Variants in PTPRD observed in about 807,000 individuals in gnomAD.
PTPRD encodes the protein protein tyrosine phosphatase receptor type D.
A neutral mutation model predicts 214.5 loss-of-function variants in PTPRD; 34 were observed. The ratio of observed to expected loss-of-function variants is 0.16; its 90% confidence interval spans 0.12 to 0.21. The LOEUF is 0.21. PTPRD is among the 10% of genes least tolerant of loss of function. The pLI, the probability that PTPRD is intolerant of heterozygous loss-of-function variation, is 1.00. For synonymous variants in PTPRD, 1,128 were observed against 845.7 expected, an observed-to-expected ratio of 1.33 and a Z score of -5.79; for missense variants, 2,545 against 2,398.7, an observed-to-expected ratio of 1.06 and a Z score of -1.27.
intron 4 of PTPRD, among the ~76,000 whole-genome samples, chr9:9,966,581 G>A (rs1254488978): frequency 1.3e-5 from 2 of 152,106 alleles, no homozygotes; most frequent in Non-Finnish European, 2.9e-5. Context: ...GATATGCCCT[G>A]CTTATTATCT....
chr9:8,459,518 A>T (rs2096319667), intron 33 of PTPRD, among the ~76,000 whole-genome samples: 1 of 152,086 alleles, frequency 6.6e-6, no homozygotes, highest in Admixed American at 6.6e-5. Context: ...TTATAAGTTC[A>T]TATTTATATT....
At chr9:9,054,151 A>C (rs1461169083) in intron 10 of PTPRD, among the ~76,000 whole-genome samples, 3 of 152,296 alleles carry the variant, frequency 2.0e-5, no homozygotes, top group African/African-American at 4.8e-5. Flanking sequence ...TGTAATCCTC[A>C]CAACAATCCT....
chr9:8,934,985 A>G (rs993625685), intron 11 of PTPRD, among the ~76,000 whole-genome samples: 1 of 152,096 alleles, frequency 6.6e-6, no homozygotes, highest in African/African-American at 2.4e-5. Flanking sequence ...CTGTGTGTAT[A>G]CATATGTCTT....
intron 37 of PTPRD, among the ~76,000 whole-genome samples, chr9:8,383,585 G>A (rs1488073274): frequency 1.3e-5 from 2 of 152,156 alleles, no homozygotes; most frequent in Admixed American, 6.5e-5. Context: ...TTTGGAAACA[G>A]AAAATGGGAC....
intron 12 of PTPRD, among the ~76,000 whole-genome samples, chr9:8,726,028 C>CAGACAG (rs1413753032): frequency 3.3e-5 from 3 of 91,208 alleles, no homozygotes; most frequent in Non-Finnish European, 5.1e-5. Flanking sequence ...GACAGACAGA[C>CAGACAG]ACACACACAC....
At chr9:8,433,000 G>A (rs1351756659) in intron 35 of PTPRD, among the ~76,000 whole-genome samples, 1 of 152,210 alleles carries the variant, frequency 6.6e-6, no homozygotes, top group African/African-American at 2.4e-5. Flanking sequence ...ATCTTTACAT[G>A]TAGCATTTCT....
chr9:9,349,055 C>T (rs907773734), intron 9 of PTPRD, among the ~76,000 whole-genome samples: 28 of 151,882 alleles, frequency 1.8e-4, no homozygotes, highest in African/African-American at 4.8e-4. Context: ...CAGTGGCGGG[C>T]GGGTATCATA....
intron 44 of PTPRD, among the ~76,000 whole-genome samples, chr9:8,328,377 G>C (rs191995387): frequency 1.3e-5 from 2 of 152,266 alleles, no homozygotes; most frequent in Admixed American, 6.5e-5. Flanking sequence ...GGTTGCTGTC[G>C]AGAGACCTGC....
chr9:9,930,631 T>C (rs1046407714), intron 5 of PTPRD, among the ~76,000 whole-genome samples: 1 of 152,154 alleles, frequency 6.6e-6, no homozygotes, highest in African/African-American at 2.4e-5. Context: ...AAATGCAGTA[T>C]TTTAAAGTTT....
Position 8,315,821 on chromosome 9 carries a change from C to CT in PTPRD, c.*2052dup, listed in dbSNP as rs1407520226. ...AAAGTAGTATACTCATACCAAAACTCTTTAAGAGTTCCTTGGGTATTTTGA... is the reference window on the plus strand; with the variant it reads ...AAAGTAGTATACTCATACCAAAACTCTTTTAAGAGTTCCTTGGGTATTTTGA... On this transcript the variant is annotated 3_prime_UTR_variant, in exon 46 of 46. Coordinates refer to ENST00000381196, the MANE Select transcript of PTPRD (RefSeq NM_002839.4). The CT allele has an allele frequency of 1.8e-5, 4 of 226,296 alleles. 1 individual carries two copies. In the South Asian group the frequency reaches 5.5e-4, roughly 31 times the overall value. 14.0% of individuals were successfully genotyped at this position (226,296 alleles called of 1,614,324 possible).
At chr9:9,422,039 T>C (rs1459243642) in intron 8 of PTPRD, among the ~76,000 whole-genome samples, 1 of 152,128 alleles carries the variant, frequency 6.6e-6, no homozygotes, top group Non-Finnish European at 1.5e-5. Flanking sequence ...ATGAAAGCTT[T>C]TGACATCTAT....
At chr9:8,710,801 A>C (rs575825368) in intron 12 of PTPRD, among the ~76,000 whole-genome samples, 34 of 152,322 alleles carry the variant, frequency 2.2e-4, no homozygotes, top group Non-Finnish European at 3.8e-4. Flanking sequence ...ATTTCTGAGA[A>C]CTTTACATAT....
chr9:10,467,249 G>A (rs1019608640), intron 2 of PTPRD, among the ~76,000 whole-genome samples: 47 of 152,168 alleles, frequency 3.1e-4, no homozygotes, highest in Non-Finnish European at 2.9e-5. Flanking sequence ...GTTAGATCTG[G>A]CATCTGCCAA....
intron 8 of PTPRD, among the ~76,000 whole-genome samples, chr9:9,465,185 T>C (rs1219226179): frequency 6.6e-6 from 1 of 152,208 alleles, no homozygotes; most frequent in African/African-American, 2.4e-5. Flanking sequence ...GCTGTAGAAA[T>C]GTACCAGGTA....
chr9:9,573,366 G>A (rs191592343), intron 8 of PTPRD, among the ~76,000 whole-genome samples: 59 of 151,084 alleles, frequency 3.9e-4, no homozygotes, highest in Middle Eastern at 3.6e-3. Flanking sequence ...TATAGGTTTA[G>A]TGACTAGAAA....
intron 14 of PTPRD, among the ~76,000 whole-genome samples, chr9:8,629,058 G>A (rs757805591): frequency 1.8e-4 from 28 of 151,642 alleles, no homozygotes; most frequent in East Asian, 1.9e-4. Context: ...TTTTTTAAAT[G>A]ACCCATTACA....
rs367923436 is a variant in PTPRD, at chr9:10,345,690, G to A, written c.-599-4673C>T. ...TGATGGACATTTGTGTTGGTTCCAA[G>A]TCTTTGCTATTGTGAACAGTGTTGC... is the stretch of plus-strand genomic sequence containing the variant. On this transcript the variant is annotated intron_variant, in intron 2 of 45. Coordinates refer to ENST00000381196, the MANE Select transcript of PTPRD (RefSeq NM_002839.4). Among the ~76,000 whole-genome samples, 127 of 152,274 alleles carry A rather than the reference G, an allele frequency of 8.3e-4. 3 individuals are homozygous for A. In the South Asian group the frequency reaches 0.022, roughly 27 times the overall value.
chr9:9,184,084 A>G (rs1057152833), intron 9 of PTPRD, among the ~76,000 whole-genome samples: 1 of 151,974 alleles, frequency 6.6e-6, no homozygotes, highest in African/African-American at 2.4e-5. Context: ...TCTTTTTAAC[A>G]TATTAAACTC....
chr9:8,873,349 T>C (rs2098334739), intron 11 of PTPRD, among the ~76,000 whole-genome samples: 1 of 152,164 alleles, frequency 6.6e-6, no homozygotes, highest in Non-Finnish European at 1.5e-5. Context: ...CCAGCTGTCG[T>C]GTTGTATGTG....
Sources: allele counts gnomAD v4.1 joint callset (sites outside exome capture counted in the v4.1 genomes callset), GRCh38; gene constraint gnomAD v4.1.1; transcripts MANE v1.5; gene names NCBI Gene and HGNC (gene_info 2026-07-23, HGNC 2026-07-21).